Variants in GOLT1B observed in about 807,000 individuals in gnomAD.
GOLT1B encodes the protein vesicle transport protein GOT1B.
Under a neutral mutation model 15.4 loss-of-function variants are expected in GOLT1B, and 3 were observed. The ratio of observed to expected loss-of-function variants is 0.19; its 90% CI spans 0.09 to 0.50. The LOEUF is 0.50. Ranked by LOEUF, GOLT1B falls within the 20% of genes least tolerant of loss-of-function variation. The pLI, the probability that GOLT1B is intolerant of heterozygous loss-of-function variation, is 0.97. For missense variants in GOLT1B, 145 were observed against 160.4 expected (o/e 0.90, Z 0.52); for synonymous variants, 65 against 56.2 (o/e 1.16, Z -0.70).
chr12:21,517,306 A>T lies in GOLT1B; in HGVS notation c.*1599A>T, dbSNP rs4762837. On this transcript the variant is annotated 3_prime_UTR_variant, in exon 5 of 5. Transcript: ENST00000229314. ...GGTACTTGCATTTGACTTACGATGT[A>T]TCTGTGAAAATGGGATGATATTGAC... 6.6e-6 allele frequency: 1 copy of T among 152,456 alleles called. No individual in the cohort carries two copies. Among genetic ancestry groups the T allele is most frequent in the African/African-American group, 2.4e-5 (1 of 41,448 alleles). The allele number at this position is 152,456 out of a possible 1,614,324, so 9.4% of individuals were successfully genotyped here. A position where few individuals can be genotyped will look rare whatever the true frequency, so the allele number is the denominator to read the frequency against.
intron 3 of GOLT1B, among the ~76,000 whole-genome samples, chr12:21,509,396 C>CAAAAAAAAAAAAAAAAAAAAAAA (rs71053318): frequency 2.7e-5 from 2 of 74,040 alleles, no homozygotes; most frequent in African/African-American, 5.6e-5. Flanking sequence ...GACTCTGTCT[C>CAAAAAAAAAAAAAAAAAAAAAAA]AAAAAAAAAA....
At chr12:21,506,080 C>G (rs917616965) in intron 1 of GOLT1B, among the ~76,000 whole-genome samples, 1 of 152,024 alleles carries the variant, frequency 6.6e-6, no homozygotes. Context: ...TGGAACAGTT[C>G]CTTGCATCTG....
intron 1 of GOLT1B, among the ~76,000 whole-genome samples, chr12:21,502,694 C>T (rs780178137): frequency 6.6e-6 from 1 of 152,084 alleles, no homozygotes; most frequent in African/African-American, 2.4e-5. Context: ...GCATTGATAT[C>T]GGTTTCCTTT....
Position 21,501,928 on chromosome 12 carries a change from TCTC to T in GOLT1B, c.8_10del (p.Ser3del), listed in dbSNP as rs1943629805. On this transcript the variant is annotated inframe_deletion, in exon 1 of 5. Coordinates refer to ENST00000229314, the MANE Select transcript of GOLT1B (RefSeq NM_016072.5). Reference sequence around the variant, plus strand: ...GCTGTCCCCACCACTGCAGCCATGATCTCCTTAACGGACACGCAGAGTAAGCAC... The same window carrying T: ...GCTGTCCCCACCACTGCAGCCATGATCTTAACGGACACGCAGAGTAAGCAC... 1 of 1,608,632 alleles carries T rather than the reference TCTC, an allele frequency of 6.2e-7. No homozygotes were observed. Among genetic ancestry groups the T allele is most frequent in the Non-Finnish European group, 8.5e-7 (1 of 1,175,138 alleles).
rs78935497 is a variant in GOLT1B at position 21,515,418 on chromosome 12, T to A, written c.379-251T>A. On this transcript the variant is annotated intron_variant, in intron 4 of 4. Transcript: ENST00000229314. ...TTTATTCATTGTGTTGCATTTTTCA[T>A]GTTGCACCCTTAAATTCATATGTAT... 661 of 581,990 alleles carry A rather than the reference T, an allele frequency of 1.1e-3. 9 individuals are homozygous for A. In the East Asian group the frequency reaches 0.019, roughly 16 times the overall value. The allele number at this position is 581,990 out of a possible 1,614,324, so 36.1% of individuals were successfully genotyped here.
intron 1 of GOLT1B, 118 bp downstream of exon 1, chr12:21,502,066 G>C (rs1342964670): frequency 1.2e-5 from 9 of 770,958 alleles, no homozygotes; most frequent in Admixed American, 1.0e-4. Context: ...TGGCCTGCGA[G>C]ACAGAGCTAG....
intron 4 of GOLT1B, among the ~76,000 whole-genome samples, chr12:21,513,110 A>G (rs796657714): frequency 7.3e-5 from 11 of 150,036 alleles, no homozygotes; most frequent in African/African-American, 2.2e-4. Context: ...ATAAAGCACT[A>G]TTATACTGGG....
chr12:21,507,393 T>C (rs1179136587), intron 2 of GOLT1B: 3 of 215,830 alleles, frequency 1.4e-5, no homozygotes, highest in Non-Finnish European at 2.8e-5. Context: ...TCTATGTTAA[T>C]GGTTGACTTG....
intron 4 of GOLT1B, chr12:21,515,137 C>T (rs1412819622): frequency 1.6e-6 from 1 of 609,842 alleles, no homozygotes. Context: ...AATGTCATTA[C>T]CACTTTCAAT....
In GOLT1B at chr12:21,516,100, C is replaced by T. The variant is rs778971329; in HGVS notation, c.*393C>T. On this transcript the variant is annotated 3_prime_UTR_variant, in exon 5 of 5. Coordinates refer to ENST00000229314, the MANE Select transcript of GOLT1B (RefSeq NM_016072.5). Reference sequence around the variant, plus strand: ...GGCATTTGCTTTTTAGAAATGTCCACTGCAATGGCAAAAATATTTCCAGTT... The same window carrying T: ...GGCATTTGCTTTTTAGAAATGTCCATTGCAATGGCAAAAATATTTCCAGTT... The T allele has an allele frequency of 6.3e-6, 1 of 159,366 alleles. No individual in the cohort carries two copies. Among genetic ancestry groups the T allele is most frequent in the Non-Finnish European group, 1.4e-5 (1 of 73,062 alleles). The allele number at this position is 159,366 out of a possible 1,614,324, so 9.9% of individuals were successfully genotyped here.
intron 4 of GOLT1B, chr12:21,515,165 C>T (rs1262567651): frequency 1.1e-5 from 8 of 737,514 alleles, no homozygotes; most frequent in East Asian, 5.4e-5. Context: ...CCAGAATACA[C>T]ATTTAAAGTA....
chr12:21,507,648 C>T (rs993661619), intron 2 of GOLT1B, among the ~76,000 whole-genome samples: 1 of 151,822 alleles, frequency 6.6e-6, no homozygotes, highest in African/African-American at 2.4e-5. Flanking sequence ...GCATTAGTAT[C>T]CTAGAATATG....
intron 3 of GOLT1B, among the ~76,000 whole-genome samples, chr12:21,509,228 G>A (rs1045481256): frequency 6.6e-5 from 10 of 151,576 alleles, no homozygotes; most frequent in African/African-American, 1.7e-4. Context: ...ATGAAACCCC[G>A]TCTCTACTAA....
chr12:21,501,854 T>C lies in GOLT1B; in HGVS notation c.-70T>C, dbSNP rs1943628009. 5 of 1,123,834 alleles carry C rather than the reference T, an allele frequency of 4.4e-6. No individual in the cohort carries two copies. Among genetic ancestry groups the C allele is most frequent in the Non-Finnish European group, 6.8e-6 (5 of 738,730 alleles). 69.6% of individuals were successfully genotyped at this position (1,123,834 alleles called of 1,614,324 possible). Reference sequence around the variant, plus strand: ...TCGCCTGGGCTGTTTCCCGGCTTCATTTCTCCCGACTCAGCTTCCCACCCT... The same window carrying C: ...TCGCCTGGGCTGTTTCCCGGCTTCACTTCTCCCGACTCAGCTTCCCACCCT... On this transcript the variant is annotated 5_prime_UTR_variant, in exon 1 of 5. Coordinates refer to ENST00000229314, the MANE Select transcript of GOLT1B (RefSeq NM_016072.5).
chr12:21,515,259 T>A, intron 4 of GOLT1B: 2 of 1,428,232 alleles, frequency 1.4e-6, no homozygotes, highest in Non-Finnish European at 1.9e-6. Flanking sequence ...CCAGAAGAGA[T>A]CCACAGTAAT....
rs116507571 is a variant in GOLT1B, at chr12:21,515,980, G to T, written c.*273G>T. Reference sequence around the variant, plus strand: ...TAAGAAACTCTTGAAGGCTATTTGTGTTGTTTTTCCACAATGTGCGAAACT... The same window carrying T: ...TAAGAAACTCTTGAAGGCTATTTGTTTTGTTTTTCCACAATGTGCGAAACT... On this transcript the variant is annotated 3_prime_UTR_variant, in exon 5 of 5. Transcript: ENST00000229314. 334 of 323,134 alleles carry T rather than the reference G, an allele frequency of 1.0e-3. 2 individuals are homozygous for T. Among genetic ancestry groups the T allele is most frequent in the African/African-American group, 6.6e-3 (307 of 46,446 alleles). The allele number at this position is 323,134 out of a possible 1,614,324, so 20.0% of individuals were successfully genotyped here.
chr12:21,506,188 G>A (rs1591760730), intron 1 of GOLT1B, among the ~76,000 whole-genome samples: 3 of 151,914 alleles, frequency 2.0e-5, no homozygotes, highest in African/African-American at 7.2e-5. Flanking sequence ...TTGAAACTTC[G>A]GAGAGGTGAT....
chr12:21,507,163 A>G (rs1046200356), intron 2 of GOLT1B, 187 bp downstream of exon 2: 29 of 614,690 alleles, frequency 4.7e-5, no homozygotes, highest in African/African-American at 9.1e-5. Context: ...TAAACACTTA[A>G]TGAGGTTTTC....
Position 21,503,136 on chromosome 12 carries a change from T to C in GOLT1B, c.25+1188T>C, listed in dbSNP as rs558046569. 2.0e-5 allele frequency among the ~76,000 whole-genome samples: 3 copies of C among 152,254 alleles called. No homozygotes were observed. The East Asian group carries it at 5.8e-4, about 29-fold the overall frequency. ...GGTCCATTGGCCTGGCCTGTTCTGA[T>C]CAAAGAAAATAAAAGTGTAGTCTTG... is the stretch of plus-strand genomic sequence containing the variant. On this transcript the variant is annotated intron_variant, in intron 1 of 4. Transcript: ENST00000229314.
Sources: gnomAD v4.1 joint callset for allele counts (sites outside exome capture counted in the v4.1 genomes callset) on GRCh38, gnomAD v4.1.1 for gene constraint, MANE v1.5 for transcripts, NCBI Gene and HGNC (gene_info 2026-07-23, HGNC 2026-07-21) for gene names.